MGMT: variants seen among roughly 807,000 people sequenced by gnomAD.
The protein encoded by MGMT is O-6-methylguanine-DNA methyltransferase, also known as methylated-DNA--protein-cysteine methyltransferase.
A neutral mutation model predicts 15.9 loss-of-function variants in MGMT; 14 were observed. That is an observed-to-expected ratio of 0.88 (90% CI 0.58 to 1.37). The LOEUF (loss-of-function observed/expected upper bound fraction) is 1.37. Ranked by LOEUF, MGMT falls within the 40% of genes most tolerant of loss-of-function variation. The pLI, the probability that MGMT is intolerant of heterozygous loss-of-function variation, is 0.00. For missense variants in MGMT, 282 were observed against 268.1 expected, an observed-to-expected ratio of 1.05 and a Z score of -0.36; for synonymous variants, 130 against 118.2, an observed-to-expected ratio of 1.10 and a Z score of -0.65.
chr10:129,563,618 C>G (rs1004577619), intron 2 of MGMT, among the ~76,000 whole-genome samples: 3 of 152,174 alleles, frequency 2.0e-5, no homozygotes, highest in African/African-American at 7.2e-5. Flanking sequence ...TCTGCCCAGG[C>G]CTTTACCTTC....
intron 2 of MGMT, among the ~76,000 whole-genome samples, chr10:129,560,989 G>A (rs1762461): frequency 1.4e-3 from 203 of 149,676 alleles, no homozygotes; most frequent in Middle Eastern, 6.8e-3. Flanking sequence ...GTGTGTGTGT[G>A]TGTGTGTGTT....
At chr10:129,719,538 G>T (rs1489989071) in intron 3 of MGMT, among the ~76,000 whole-genome samples, 1 of 152,168 alleles carries the variant, frequency 6.6e-6, no homozygotes, top group African/African-American at 2.4e-5. Context: ...TGCTGAGGCT[G>T]TCCTGCTTGC....
chr10:129,750,046 A>G (rs557113507), intron 3 of MGMT, among the ~76,000 whole-genome samples: 17 of 152,172 alleles, frequency 1.1e-4, no homozygotes, highest in Middle Eastern at 3.4e-3. Flanking sequence ...TGTGTCTTAC[A>G]TATATCTTCT....
chr10:129,767,652 C>A lies in MGMT; in HGVS notation c.*655C>A, dbSNP rs1848954806. The A allele has an allele frequency of 6.6e-6, 1 of 152,308 alleles. No individual in the cohort carries two copies. The highest frequency in any genetic ancestry group is 2.4e-5 in the African/African-American group (1 of 41,476). The allele number at this position is 152,308 out of a possible 1,614,324, so 9.4% of individuals were successfully genotyped here. On this transcript the variant is annotated 3_prime_UTR_variant, in exon 5 of 5. Coordinates refer to ENST00000651593, the MANE Select transcript of MGMT (RefSeq NM_002412.5). The stretch of plus-strand genomic sequence containing the variant: ...ACAGAGAGCTCTCTGGACACGGGTT[C>A]GATGGAGCTTGCACCTCTCTGAGAG...
At chr10:129,764,620 G>T (rs764468684) in intron 4 of MGMT, among the ~76,000 whole-genome samples, 1 of 152,244 alleles carries the variant, frequency 6.6e-6, no homozygotes, top group African/African-American at 2.4e-5. Flanking sequence ...AGGGTGGAGC[G>T]TGGGGAAGCT....
At chr10:129,603,396 A>G (rs1298086591) in intron 2 of MGMT, among the ~76,000 whole-genome samples, 1 of 152,234 alleles carries the variant, frequency 6.6e-6, no homozygotes, top group Non-Finnish European at 1.5e-5. Context: ...GCATTCTGCT[A>G]TCATAATTAG....
chr10:129,538,336 A>G (rs1321159024), intron 2 of MGMT, among the ~76,000 whole-genome samples: 5 of 152,210 alleles, frequency 3.3e-5, no homozygotes, highest in African/African-American at 1.2e-4. Context: ...TCTCCAGAGT[A>G]AATTCCTGAG....
At chr10:129,697,380 A>G (rs1233515236) in intron 2 of MGMT, among the ~76,000 whole-genome samples, 1 of 152,200 alleles carries the variant, frequency 6.6e-6, no homozygotes, top group Admixed American at 6.5e-5. Context: ...GAGTGCTTCT[A>G]TTCCACGGAG....
In MGMT at chr10:129,765,880, C is replaced by T. The variant is rs549165077; in HGVS notation, c.415-908C>T. The stretch of plus-strand genomic sequence containing the variant: ...AGAGGCAGGGGCCACAGCACCTGCC[C>T]CCACCCACCACAGGTGGCTCTCAGA... On this transcript the variant is annotated intron_variant, in intron 4 of 4. Coordinates refer to ENST00000651593, the MANE Select transcript of MGMT (RefSeq NM_002412.5). Among the ~76,000 whole-genome samples the T allele has an allele frequency of 1.4e-3, 216 of 152,288 alleles. 1 individual carries two copies. The highest frequency in any genetic ancestry group is 5.1e-3 in the African/African-American group (210 of 41,562).
intron 2 of MGMT, among the ~76,000 whole-genome samples, chr10:129,602,226 A>G (rs930375249): frequency 2.0e-5 from 3 of 152,106 alleles, no homozygotes; most frequent in Non-Finnish European, 4.4e-5. Context: ...TTAAAGTACA[A>G]AATTTTAATA....
chr10:129,533,654 C>G lies in MGMT; in HGVS notation c.-12-2587C>G, dbSNP rs114564071. ...ACTTTGGGAAATGATCTCATGGACG[C>G]TTGGCCTGGATGGTGGTCACACTGG... On this transcript the variant is annotated intron_variant, in intron 1 of 4. Coordinates refer to ENST00000651593, the MANE Select transcript of MGMT (RefSeq NM_002412.5). The surrounding 1 kb of genome is among the most constrained non-coding windows in gnomAD (Gnocchi z 4.5). Among the ~76,000 whole-genome samples, 630 of 152,272 alleles carry G rather than the reference C, an allele frequency of 4.1e-3. 7 individuals carry two copies. The highest frequency in any genetic ancestry group is 0.015 in the African/African-American group (611 of 41,542).
At chr10:129,534,538 C>T (rs145145273) in intron 1 of MGMT, among the ~76,000 whole-genome samples, 19 of 151,924 alleles carry the variant, frequency 1.3e-4, no homozygotes, top group Middle Eastern at 6.8e-3. Flanking sequence ...GTCCGCTGCC[C>T]GACCCTGGTC....
chr10:129,501,767 A>G (rs772913434), intron 1 of MGMT, among the ~76,000 whole-genome samples: 4 of 152,242 alleles, frequency 2.6e-5, no homozygotes, highest in Non-Finnish European at 5.9e-5. Context: ...AATTTGAAAC[A>G]AAGCCTGAAT....
intron 2 of MGMT, among the ~76,000 whole-genome samples, chr10:129,641,670 A>G (rs1847329359): frequency 6.6e-6 from 1 of 152,226 alleles, no homozygotes; most frequent in Non-Finnish European, 1.5e-5. Context: ...ATACTGAGAC[A>G]AAATGACTCA....
chr10:129,598,951 C>T (rs896492392), intron 2 of MGMT, among the ~76,000 whole-genome samples: 1 of 152,174 alleles, frequency 6.6e-6, no homozygotes, highest in South Asian at 2.1e-4. Flanking sequence ...GTCTCCAGCC[C>T]TTCCCTTTTT....
At chr10:129,485,059 T>G (rs778591322) in intron 1 of MGMT, among the ~76,000 whole-genome samples, 1 of 152,084 alleles carries the variant, frequency 6.6e-6, no homozygotes, top group Non-Finnish European at 1.5e-5. Context: ...TAGGAGATCT[T>G]TCCACACTGG....
chr10:129,598,461 A>T (rs907999313), intron 2 of MGMT, among the ~76,000 whole-genome samples: 1 of 151,898 alleles, frequency 6.6e-6, no homozygotes. Context: ...GTGCTGCCTG[A>T]GGGTCAGATG....
intron 2 of MGMT, among the ~76,000 whole-genome samples, chr10:129,583,876 G>A (rs1229452383): frequency 6.6e-6 from 1 of 152,200 alleles, no homozygotes; most frequent in Non-Finnish European, 1.5e-5. Context: ...GAGCTGGGAG[G>A]AGACAGATGG....
chr10:129,484,848 G>T (rs1845392855), intron 1 of MGMT, among the ~76,000 whole-genome samples: 1 of 151,820 alleles, frequency 6.6e-6, no homozygotes, highest in Non-Finnish European at 1.5e-5. Flanking sequence ...TTTAGTCCAG[G>T]GATAGTTTAG....
Sources: gnomAD v4.1 joint callset for allele counts (sites outside exome capture counted in the v4.1 genomes callset) on GRCh38, gnomAD v4.1.1 for gene constraint, Gnocchi (gnomAD v3.1) non-coding constraint, MANE v1.5 for transcripts, NCBI Gene and HGNC (gene_info 2026-07-23, HGNC 2026-07-21) for gene names.